Variants in GSK3B observed in about 807,000 individuals in gnomAD.
GSK3B encodes glycogen synthase kinase 3 beta.
In GSK3B, 15 loss-of-function variants were observed where a neutral mutation model predicts 56.4. The observed-to-expected ratio is 0.27, with a 90% confidence interval of 0.18 to 0.41. The LOEUF is 0.41. Among genes scored for constraint, GSK3B ranks in the 10% least tolerant of loss-of-function variants. The pLI is 1.00. For missense variants in GSK3B, 300 were observed against 513.4 expected, an observed-to-expected ratio of 0.58 and a Z score of 4.02; for synonymous variants, 181 against 188.9, an observed-to-expected ratio of 0.96 and a Z score of 0.34.
chr3:120,033,558 A>G (rs2057995962), intron 1 of GSK3B, among the ~76,000 whole-genome samples: 1 of 152,196 alleles, frequency 6.6e-6, no homozygotes, highest in Non-Finnish European at 1.5e-5. Context: ...TTTTATTTCC[A>G]TAATGGCTAA....
intron 1 of GSK3B, among the ~76,000 whole-genome samples, chr3:120,068,781 T>C (rs891352345): frequency 1.3e-5 from 2 of 151,716 alleles, no homozygotes; most frequent in Non-Finnish European, 2.9e-5. Context: ...TGATTGACCA[T>C]GTAATTATAG....
At chr3:120,090,444 C>T (rs528823366) in intron 1 of GSK3B, among the ~76,000 whole-genome samples, 148 of 152,240 alleles carry the variant, frequency 9.7e-4, no homozygotes, top group Non-Finnish European at 1.5e-3. Context: ...AGTGAACTCA[C>T]CTACCCTCTC....
At chr3:119,951,965 A>C (rs959760421) in intron 2 of GSK3B, among the ~76,000 whole-genome samples, 18 of 151,898 alleles carry the variant, frequency 1.2e-4, no homozygotes, top group African/African-American at 4.3e-4. Flanking sequence ...AAAAAAAAAA[A>C]CCCAGTGAAC....
intron 7 of GSK3B, among the ~76,000 whole-genome samples, chr3:119,891,380 T>C (rs919257911): frequency 6.6e-6 from 1 of 152,072 alleles, no homozygotes; most frequent in Non-Finnish European, 1.5e-5. Flanking sequence ...CATAAGACAT[T>C]TTAACAACTA....
At chr3:120,057,536 A>G (rs530450855) in intron 1 of GSK3B, among the ~76,000 whole-genome samples, 5 of 152,212 alleles carry the variant, frequency 3.3e-5, no homozygotes, top group Non-Finnish European at 7.3e-5. Flanking sequence ...ATATTACAGC[A>G]TTCCATTGTA....
chr3:119,991,957 GA>G (rs1046328273), intron 2 of GSK3B, among the ~76,000 whole-genome samples: 1 of 151,996 alleles, frequency 6.6e-6, no homozygotes, highest in Admixed American at 6.5e-5. Context: ...CAAAACTTCT[GA>G]AAGACATAAA....
In GSK3B at chr3:119,826,561, T is replaced by TC; in HGVS notation, c.*226dup. The TC allele has an allele frequency of 5.2e-6, 2 of 382,744 alleles. No individual in the cohort carries two copies. Among genetic ancestry groups the TC allele is most frequent in the Middle Eastern group, 7.5e-4 (1 of 1,332 alleles). 23.7% of individuals were successfully genotyped at this position (382,744 alleles called of 1,614,324 possible). A position where few individuals can be genotyped will look rare whatever the true frequency, so the allele number is the denominator to read the frequency against. On this transcript the variant is annotated 3_prime_UTR_variant, in exon 11 of 11. Coordinates refer to ENST00000264235, the MANE Select transcript of GSK3B (RefSeq NM_001146156.2). ...CCGCTTTCCCCCTCCCCACAACCCC[T>TC]CCCACCCCCTGGATCTCCCTCAAAG... is the stretch of plus-strand genomic sequence containing the variant.
At chr3:119,898,758 AG>A (rs2108073518) in intron 7 of GSK3B, among the ~76,000 whole-genome samples, 1 of 152,304 alleles carries the variant, frequency 6.6e-6, no homozygotes, top group Non-Finnish European at 1.5e-5. Context: ...AAACATACGT[AG>A]TACCAAACTA....
intron 9 of GSK3B, among the ~76,000 whole-genome samples, chr3:119,855,228 A>G (rs1271245327): frequency 2.0e-5 from 3 of 152,212 alleles, no homozygotes; most frequent in Non-Finnish European, 4.4e-5. Context: ...ACATGAAAAA[A>G]TGCTCATCAT....
At chr3:119,889,619 AAG>A (rs769451311) in intron 7 of GSK3B, among the ~76,000 whole-genome samples, 1 of 152,154 alleles carries the variant, frequency 6.6e-6, no homozygotes, top group East Asian at 1.9e-4. Context: ...GTGGCAGTAA[AAG>A]AGGGGGAAAA....
At chr3:119,871,074 T>C (rs1463468905) in intron 8 of GSK3B, among the ~76,000 whole-genome samples, 4 of 152,186 alleles carry the variant, frequency 2.6e-5, no homozygotes, top group South Asian at 2.1e-4. Context: ...GAAAATTCTA[T>C]TGAATGGCTC....
intron 1 of GSK3B, among the ~76,000 whole-genome samples, chr3:120,044,252 G>C (rs1298044787): frequency 6.6e-6 from 1 of 152,174 alleles, no homozygotes; most frequent in African/African-American, 2.4e-5. Flanking sequence ...ATTTCACCTT[G>C]TGTCTCTCAC....
At chr3:120,054,542 A>G (rs2058177486) in intron 1 of GSK3B, among the ~76,000 whole-genome samples, 1 of 152,160 alleles carries the variant, frequency 6.6e-6, no homozygotes, top group Non-Finnish European at 1.5e-5. Flanking sequence ...TAAACTGGTC[A>G]CTTGCCTTCA....
At chr3:120,034,715 A>C (rs2058007729) in intron 1 of GSK3B, among the ~76,000 whole-genome samples, 1 of 152,182 alleles carries the variant, frequency 6.6e-6, no homozygotes, top group Non-Finnish European at 1.5e-5. Context: ...TGGGTACCCC[A>C]AAAAAGATAT....
At chr3:119,837,607 A>T (rs914449456) in intron 10 of GSK3B, among the ~76,000 whole-genome samples, 42 of 152,092 alleles carry the variant, frequency 2.8e-4, no homozygotes, top group Non-Finnish European at 3.2e-4. Context: ...GGTTTTTAAC[A>T]GCAGAACCAT....
chr3:119,921,532 T>C (rs9852797), intron 4 of GSK3B, among the ~76,000 whole-genome samples: 5 of 152,278 alleles, frequency 3.3e-5, no homozygotes, highest in South Asian at 2.1e-4. Flanking sequence ...GCAGGAAATA[T>C]AGATGACCAA....
chr3:119,997,992 C>T (rs1046944731), intron 2 of GSK3B, among the ~76,000 whole-genome samples: 11 of 152,152 alleles, frequency 7.2e-5, no homozygotes, highest in Middle Eastern at 6.8e-3. Flanking sequence ...CTAGAGAAAA[C>T]GACATTATTT....
chr3:120,073,834 T>C (rs1043822858), intron 1 of GSK3B, among the ~76,000 whole-genome samples: 7 of 152,060 alleles, frequency 4.6e-5, no homozygotes, highest in Non-Finnish European at 8.8e-5. Flanking sequence ...TTAAATAAGA[T>C]ACAAACAAGT....
Position 119,886,955 on chromosome 3 carries a change from A to G in GSK3B, c.814-10447T>C, listed in dbSNP as rs540179100. On this transcript the variant is annotated intron_variant, in intron 7 of 10. Coordinates refer to ENST00000264235, the MANE Select transcript of GSK3B (RefSeq NM_001146156.2). ...CATTCATACCTCAAACCTCAGCATCACCCAATACACCCAGGTAACAAACTT... is the reference window on the plus strand; with the variant it reads ...CATTCATACCTCAAACCTCAGCATCGCCCAATACACCCAGGTAACAAACTT... Among the ~76,000 whole-genome samples, 12 of 152,180 alleles carry G rather than the reference A, an allele frequency of 7.9e-5. No individual in the cohort carries two copies. In the South Asian group the frequency reaches 2.5e-3, roughly 32 times the overall value.
Sources: allele counts gnomAD v4.1 joint callset (sites outside exome capture counted in the v4.1 genomes callset), GRCh38; gene constraint gnomAD v4.1.1; transcripts MANE v1.5; gene names NCBI Gene and HGNC (gene_info 2026-07-23, HGNC 2026-07-21).